The following SCARB1 variants were observed in gnomAD, a reference collection of about 807,000 sequenced individuals.
SCARB1 encodes scavenger receptor class B member 1.
Under a neutral mutation model 57.2 loss-of-function variants are expected in SCARB1, and 30 were observed. The observed-to-expected ratio is 0.52, with a 90% CI of 0.39 to 0.71. SCARB1 has a LOEUF of 0.71. Among genes scored for constraint, SCARB1 ranks in the 30% least tolerant of loss-of-function variants. The pLI, the probability that SCARB1 is intolerant of heterozygous loss-of-function variation, is 0.00. For synonymous variants in SCARB1, 249 were observed against 268.3 expected (o/e 0.93, Z 0.70); for missense variants, 543 against 671.2 (o/e 0.81, Z 2.11).
At position 124,822,894 on chromosome 12, in the gene SCARB1, A is replaced by ACAACAG. The variant is rs1951000196; in HGVS notation, c.127-5193_127-5188dup. On this transcript the variant is annotated intron_variant, in intron 1 of 12. Transcript: ENST00000261693. This position sits in a 1 kb window ranked among gnomAD's most constrained non-coding sequence, Gnocchi z 5.0. ...CAAAGCAAGACCCTGTCTGAAAAAA[A>ACAACAG]CAACAGCAACACCACCACCCATGAC... 6.6e-6 allele frequency among the ~76,000 whole-genome samples: 1 copy of ACAACAG among 152,230 alleles called. No individual in the cohort carries two copies. Among genetic ancestry groups the ACAACAG allele is most frequent in the African/African-American group, 2.4e-5 (1 of 41,450 alleles).
intron 1 of SCARB1, among the ~76,000 whole-genome samples, chr12:124,830,875 T>G (rs987065452): frequency 8.3e-4 from 126 of 151,902 alleles, no homozygotes; most frequent in African/African-American, 3.0e-3. Flanking sequence ...TGCAGTGGTG[T>G]GATCTCAGCT....
At chr12:124,792,721 C>CAAA (rs930596389) in intron 9 of SCARB1, among the ~76,000 whole-genome samples, 54 of 31,528 alleles carry the variant, frequency 1.7e-3, no homozygotes, top group African/African-American at 1.9e-3. Context: ...GACTTCGTCT[C>CAAA]AAAAAAAAAA....
In SCARB1 at chr12:124,814,511, G is replaced by T; in HGVS notation, c.427-106C>A. On this transcript the variant is annotated intron_variant, in intron 3 of 12. Transcript: ENST00000261693. This position sits in a 1 kb window ranked among gnomAD's most constrained non-coding sequence, Gnocchi z 4.7. Reference sequence around the variant, plus strand: ...AAAGAGCCCATGAAGGGAAATGCTGGGGTGCAGGAGGCCCCTGGAGTGGCC... The same window carrying T: ...AAAGAGCCCATGAAGGGAAATGCTGTGGTGCAGGAGGCCCCTGGAGTGGCC... 8.2e-7 allele frequency: 1 copy of T among 1,221,130 alleles called. No individual in the cohort carries two copies. The highest frequency in any genetic ancestry group is 2.4e-5 in the East Asian group (1 of 41,078). 75.6% of individuals were successfully genotyped at this position (1,221,130 alleles called of 1,614,324 possible).
chr12:124,811,837 T>C (rs754478086), intron 5 of SCARB1, 33 bp downstream of exon 5: 1 of 1,499,698 alleles, frequency 6.7e-7, no homozygotes, highest in East Asian at 2.4e-5. Context: ...CCCCTCTCCC[T>C]GGCGACAGGG....
intron 7 of SCARB1, among the ~76,000 whole-genome samples, chr12:124,803,188 G>A (rs919937876): frequency 6.6e-6 from 1 of 152,220 alleles, no homozygotes; most frequent in Non-Finnish European, 1.5e-5. Context: ...TGGATGTCAG[G>A]GCGGTGGGAG....
At chr12:124,778,698 G>T in intron 12 of SCARB1, 112 bp from the exon 13 acceptor site, 1 of 956,818 alleles carries the variant, frequency 1.0e-6, no homozygotes, top group Non-Finnish European at 1.3e-6. Context: ...CTCCACCCCC[G>T]CCACCAGGCT....
chr12:124,847,919 A>C (rs1594381146), intron 1 of SCARB1, among the ~76,000 whole-genome samples: 1 of 152,286 alleles, frequency 6.6e-6, no homozygotes, highest in South Asian at 2.1e-4. Context: ...GCAATCAGAC[A>C]AATCCAAATC....
At chr12:124,797,371 C>T (rs959796226) in intron 8 of SCARB1, among the ~76,000 whole-genome samples, 7 of 152,250 alleles carry the variant, frequency 4.6e-5, no homozygotes, top group South Asian at 2.1e-4. Context: ...AGTGGCCACA[C>T]GGAAGCAGCT....
In SCARB1 at chr12:124,803,181, A is replaced by C. The variant is rs578138396; in HGVS notation, c.1010-2939T>G. 7.9e-5 allele frequency among the ~76,000 whole-genome samples: 12 copies of C among 152,302 alleles called. No homozygotes were observed. In the South Asian group the frequency reaches 1.7e-3, roughly 21 times the overall value. ...CAAACCAGCTGAGCTCCGGGGCTGG[A>C]TGTCAGGGCGGTGGGAGGACCGCGA... is the stretch of plus-strand genomic sequence containing the variant. On this transcript the variant is annotated intron_variant, in intron 7 of 12. Coordinates refer to ENST00000261693, the MANE Select transcript of SCARB1 (RefSeq NM_005505.5).
chr12:124,821,850 G>A (rs570524371), intron 1 of SCARB1, among the ~76,000 whole-genome samples: 1 of 152,202 alleles, frequency 6.6e-6, no homozygotes, highest in Non-Finnish European at 1.5e-5. Flanking sequence ...TCAGCAGGAT[G>A]ACTTTTTTCC....
At chr12:124,835,467 C>T (rs539725161) in intron 1 of SCARB1, among the ~76,000 whole-genome samples, 8 of 152,100 alleles carry the variant, frequency 5.3e-5, no homozygotes, top group South Asian at 4.2e-4. Flanking sequence ...GTAGGGGTCT[C>T]GCTATGTTGC....
At chr12:124,794,651 C>A (rs1419967119) in intron 9 of SCARB1, among the ~76,000 whole-genome samples, 1 of 152,130 alleles carries the variant, frequency 6.6e-6, no homozygotes, top group Admixed American at 6.5e-5. Flanking sequence ...AAAGTGAAGG[C>A]CGGGCACGGT....
intron 1 of SCARB1, among the ~76,000 whole-genome samples, chr12:124,858,256 A>G (rs779296119): frequency 1.3e-5 from 2 of 152,202 alleles, no homozygotes; most frequent in Non-Finnish European, 2.9e-5. Context: ...TGAAGACAAT[A>G]AATCATATGT....
At chr12:124,779,128 T>C (rs2135511747) in intron 12 of SCARB1, among the ~76,000 whole-genome samples, 1 of 152,134 alleles carries the variant, frequency 6.6e-6, no homozygotes, top group Non-Finnish European at 1.5e-5. Flanking sequence ...CATTTTTTAA[T>C]TTTTTGTAGA....
chr12:124,813,465 AGCCTACC>A (rs1268349612), intron 4 of SCARB1, among the ~76,000 whole-genome samples: 6 of 152,228 alleles, frequency 3.9e-5, no homozygotes, highest in African/African-American at 1.4e-4. Context: ...AACACTGAAC[AGCCTACC>A]GCTAGACTTT....
intron 1 of SCARB1, among the ~76,000 whole-genome samples, chr12:124,829,358 C>T (rs1321904060): frequency 1.3e-5 from 2 of 152,124 alleles, no homozygotes; most frequent in Admixed American, 6.5e-5. Flanking sequence ...TTGCCCCCCG[C>T]CCCGTTCTCC....
intron 1 of SCARB1, among the ~76,000 whole-genome samples, chr12:124,829,884 T>G (rs573368281): frequency 6.6e-6 from 1 of 152,314 alleles, no homozygotes; most frequent in African/African-American, 2.4e-5. Context: ...ATCACCCTGT[T>G]TTATCTCCCT....
Position 124,808,129 on chromosome 12 carries a change from T to C in SCARB1, c.843-202A>G, listed in dbSNP as rs838902. On this transcript the variant is annotated intron_variant, in intron 6 of 12. Coordinates refer to ENST00000261693, the MANE Select transcript of SCARB1 (RefSeq NM_005505.5). ...CTCCGACTCTGCCTCCCCACCCACA[T>C]CAATGTATTAGCCGTGGCCAGATGG... Among the ~76,000 whole-genome samples, 24,493 of 151,892 alleles carry C rather than the reference T, an allele frequency of 0.16. 3,998 individuals are homozygous for C. The highest frequency in any genetic ancestry group is 0.48 in the East Asian group (2,460 of 5,120).
chr12:124,786,461 G>C lies in SCARB1; in HGVS notation c.1297C>G (p.Gln433Glu). The change falls in exon 11 of 13, where the codon CAG becomes GAG. Residue 433 changes from glutamine to glutamate, a missense_variant. Coordinates refer to ENST00000261693, the MANE Select transcript of SCARB1 (RefSeq NM_005505.5). ...ATCACCTTGGGCATCAACACCAGCT[G>C]AGTGTAGAATGTGTGAAGAGTCTCC... ...EGETLHTFYT[Q>E]LVLMPKVMHY... 6.2e-7 allele frequency: 1 copy of C among 1,614,176 alleles called. No homozygotes were observed. Among genetic ancestry groups the C allele is most frequent in the Non-Finnish European group, 8.5e-7 (1 of 1,180,040 alleles).
Sources: gnomAD v4.1 joint callset for allele counts (sites outside exome capture counted in the v4.1 genomes callset) on GRCh38, gnomAD v4.1.1 for gene constraint, Gnocchi (gnomAD v3.1) non-coding constraint, MANE v1.5 for transcripts, NCBI Gene and HGNC (gene_info 2026-07-23, HGNC 2026-07-21) for gene names.